Variants in PLXNC1 observed in about 807,000 individuals in gnomAD.
The protein encoded by PLXNC1 is plexin C1.
In PLXNC1, 75 loss-of-function variants were observed where a neutral mutation model predicts 178.2. That is an observed-to-expected ratio of 0.42 (90% CI 0.35 to 0.51). The LOEUF (loss-of-function observed/expected upper bound fraction) is 0.51. Among genes scored for constraint, PLXNC1 ranks in the 20% least tolerant of loss-of-function variants. The pLI, the probability that PLXNC1 is intolerant of heterozygous loss-of-function variation, is 0.02. For synonymous variants in PLXNC1, 790 were observed against 779.9 expected (o/e 1.01, Z -0.22); for missense variants, 1,503 against 1,984.4 (o/e 0.76, Z 4.61).
At chr12:94,177,053 ATGTGTGTG>A (rs63244061) in intron 2 of PLXNC1, among the ~76,000 whole-genome samples, 33 of 137,492 alleles carry the variant, frequency 2.4e-4, no homozygotes, top group African/African-American at 7.1e-4. Flanking sequence ...TTTCATATAT[ATGTGTGTG>A]TGTGTGTGTG....
chr12:94,188,341 G>C (rs1053678098), intron 4 of PLXNC1, among the ~76,000 whole-genome samples: 1 of 33,616 alleles, frequency 3.0e-5, no homozygotes, highest in Non-Finnish European at 7.2e-5. Flanking sequence ...TTTTTTTTTT[G>C]AGATGGACTC....
chr12:94,165,183 A>C (rs2135934884), intron 1 of PLXNC1, among the ~76,000 whole-genome samples: 1 of 152,298 alleles, frequency 6.6e-6, no homozygotes, highest in Non-Finnish European at 1.5e-5. Context: ...GAGAAAGAAT[A>C]ATCTCTGGAC....
intron 4 of PLXNC1, among the ~76,000 whole-genome samples, chr12:94,205,599 G>C (rs1026342420): frequency 6.6e-6 from 1 of 152,200 alleles, no homozygotes; most frequent in East Asian, 1.9e-4. Context: ...TCTAAGTCCA[G>C]GGCCGCCTGA....
chr12:94,284,912 A>T (rs1364724240), intron 23 of PLXNC1, among the ~76,000 whole-genome samples: 5 of 152,124 alleles, frequency 3.3e-5, no homozygotes, highest in Admixed American at 6.6e-5. Context: ...TGTGTGTGAG[A>T]TGTAGATAGA....
chr12:94,167,801 A>G (rs913696978), intron 1 of PLXNC1, among the ~76,000 whole-genome samples: 41 of 152,374 alleles, frequency 2.7e-4, no homozygotes, highest in African/African-American at 9.6e-4. Context: ...AGTTCACTAT[A>G]GAATATTTTA....
In PLXNC1 at chr12:94,247,156, C is replaced by T. The variant is rs1296226022; in HGVS notation, c.2389-747C>T. 3.3e-5 allele frequency among the ~76,000 whole-genome samples: 5 copies of T among 152,160 alleles called. No individual in the cohort carries two copies. The South Asian group carries it at 8.3e-4, about 25-fold the overall frequency. On this transcript the variant is annotated intron_variant, in intron 12 of 30. Coordinates refer to ENST00000258526, the MANE Select transcript of PLXNC1 (RefSeq NM_005761.3). ...CCAACTCCCGGGCTCACGTAACCCT[C>T]CTCCCTCCGTTTCCCACAGCGCTGG...
At chr12:94,207,923 AT>A (rs397957456) in intron 4 of PLXNC1, among the ~76,000 whole-genome samples, 39 of 147,770 alleles carry the variant, frequency 2.6e-4, no homozygotes, top group Middle Eastern at 3.5e-3. Flanking sequence ...GAATTGGCTT[AT>A]TTTTTTTTTT....
At chr12:94,177,150 TATATATATATGTATATATATATATAC>T (rs1454485142) in intron 2 of PLXNC1, among the ~76,000 whole-genome samples, 635 of 57,800 alleles carry the variant, frequency 0.011, 9 homozygotes, top group African/African-American at 0.07. Context: ...TGTGTGTGTG[TATATATATATGTATATATATATATAC>T]GTATATATAT....
chr12:94,192,057 G>A (rs1962746194), intron 4 of PLXNC1, among the ~76,000 whole-genome samples: 1 of 152,192 alleles, frequency 6.6e-6, no homozygotes. Flanking sequence ...AAGTTCATTT[G>A]CAAGTTTGTT....
chr12:94,273,402 C>G (rs1005874267), intron 21 of PLXNC1, among the ~76,000 whole-genome samples: 1 of 152,060 alleles, frequency 6.6e-6, no homozygotes, highest in South Asian at 2.1e-4. Flanking sequence ...ATTGAAGCTT[C>G]CTGCTCACCA....
At chr12:94,186,114 T>G (rs897679278) in intron 3 of PLXNC1, 1 of 349,976 alleles carries the variant, frequency 2.9e-6, no homozygotes, top group African/African-American at 2.0e-5. Context: ...AAAATACAAC[T>G]TCCTAGGCTC....
chr12:94,206,619 A>T (rs57419763), intron 4 of PLXNC1, among the ~76,000 whole-genome samples: 14,937 of 152,108 alleles, frequency 0.098, 854 homozygotes, highest in East Asian at 0.23. Flanking sequence ...GGAAATAAGG[A>T]CTAGAAAAAT....
chr12:94,200,539 G>C (rs1963082208), intron 4 of PLXNC1, among the ~76,000 whole-genome samples: 1 of 152,132 alleles, frequency 6.6e-6, no homozygotes, highest in African/African-American at 2.4e-5. Flanking sequence ...AGGAGGATCG[G>C]GTTTTAATAT....
rs147523205 is a variant in PLXNC1 at position 94,239,608 on chromosome 12, C to T, written c.2121-877C>T. Among the ~76,000 whole-genome samples, 129 of 152,340 alleles carry T rather than the reference C, an allele frequency of 8.5e-4. 1 individual carries two copies. In the South Asian group the frequency reaches 0.025, roughly 30 times the overall value. ...GAGCATTATTCAGACACAACCCAGGCTTAATGATTTGTGCTTTAGAGGATC... is the reference window on the plus strand; with the variant it reads ...GAGCATTATTCAGACACAACCCAGGTTTAATGATTTGTGCTTTAGAGGATC... On this transcript the variant is annotated intron_variant, in intron 10 of 30. Transcript: ENST00000258526.
Position 94,260,510 on chromosome 12 carries a change from A to T in PLXNC1, c.3252-132A>T, listed in dbSNP as rs1210480569. 9.7e-5 allele frequency: 6 copies of T among 62,142 alleles called. No homozygotes were observed. The highest frequency in any genetic ancestry group is 1.5e-4 in the Non-Finnish European group (5 of 32,378). The allele number at this position is 62,142 out of a possible 1,614,324, so 3.8% of individuals were successfully genotyped here. A position where few individuals can be genotyped will look rare whatever the true frequency, so the allele number is the denominator to read the frequency against. The stretch of plus-strand genomic sequence containing the variant: ...TAGAAGTGGTTAGAATCTAAACATT[A>T]AAAAAAAAAAAAAAAAAGCTCCCAA... On this transcript the variant is annotated intron_variant, in intron 19 of 30. Transcript: ENST00000258526. The surrounding 1 kb of genome is among the most constrained non-coding windows in gnomAD (Gnocchi z 4.4).
At position 94,226,621 on chromosome 12, in the gene PLXNC1, G is replaced by C. The variant is rs1408822170; in HGVS notation, c.1807G>C (p.Glu603Gln). The change falls in exon 8 of 31, where the codon GAA becomes CAA. Residue 603 changes from glutamate (E) to glutamine (Q), a missense_variant. Physicochemically the swap from Glu to Gln is conservative, Grantham distance 29. Around this residue, in one of 4 missense-constraint regions of PLXNC1, gnomAD observed 615 missense variants for 698.6 expected, o/e 0.88. Transcript: ENST00000258526. ...SSLKECPACV[E>Q]TGCAWCKSAR... ...TGTTGCTAGATGCCCAGCATGCGTA[G>C]AAACTGGCTGCGCGTGGTGTAAAAG... 1 of 1,613,238 alleles carries C rather than the reference G, an allele frequency of 6.2e-7. No homozygotes were observed. Among genetic ancestry groups the C allele is most frequent in the African/African-American group, 1.3e-5 (1 of 74,982 alleles).
chr12:94,215,188 G>A (rs937048424), intron 5 of PLXNC1, among the ~76,000 whole-genome samples: 7 of 152,152 alleles, frequency 4.6e-5, no homozygotes, highest in South Asian at 2.1e-4. Context: ...GTGAGCCACC[G>A]TGCCCAGCCT....
rs1173192150 is a variant in PLXNC1, at chr12:94,240,755, G to A, written c.2300+91G>A. The A allele has an allele frequency of 2.9e-6, 3 of 1,032,876 alleles. No homozygotes were observed. The African/African-American group carries it at 4.8e-5, about 17-fold the overall frequency. The allele number at this position is 1,032,876 out of a possible 1,614,324, so 64.0% of individuals were successfully genotyped here. ...TTTTATTCAAGTAAATTCAGAAACA[G>A]TGGTCATTCCAAATTCCTCTCACCG... is the stretch of plus-strand genomic sequence containing the variant. On this transcript the variant is annotated intron_variant, in intron 11 of 30. Coordinates refer to ENST00000258526, the MANE Select transcript of PLXNC1 (RefSeq NM_005761.3).
At chr12:94,299,715 G>A (rs1265527236) in intron 27 of PLXNC1, among the ~76,000 whole-genome samples, 1 of 151,994 alleles carries the variant, frequency 6.6e-6, no homozygotes, top group East Asian at 1.9e-4. Flanking sequence ...GCATGCCACC[G>A]CACTCAGCTA....
Sources: allele counts gnomAD v4.1 joint callset (sites outside exome capture counted in the v4.1 genomes callset), GRCh38; gene constraint gnomAD v4.1.1; regional missense constraint gnomAD v4.1.1; non-coding constraint Gnocchi (gnomAD v3.1); transcripts MANE v1.5; gene names NCBI Gene and HGNC (gene_info 2026-07-23, HGNC 2026-07-21).